COPS7A: variants seen among roughly 807,000 people sequenced by gnomAD.
COPS7A encodes COP9 signalosome complex subunit 7a.
A neutral mutation model predicts 35.2 loss-of-function variants in COPS7A; 20 were observed. That is an observed-to-expected ratio of 0.57 (90% CI 0.40 to 0.83). COPS7A has a LOEUF of 0.83. Among genes scored for constraint, COPS7A ranks in the 40% least tolerant of loss-of-function variants. The pLI is 0.00. For missense variants in COPS7A, 247 were observed against 347.5 expected (o/e 0.71, Z 2.30); for synonymous variants, 139 against 141.4 (o/e 0.98, Z 0.12).
At chr12:6,730,130 C>T (rs1007099032) in intron 5 of COPS7A, among the ~76,000 whole-genome samples, 5 of 152,200 alleles carry the variant, frequency 3.3e-5, no homozygotes, top group African/African-American at 1.2e-4. Flanking sequence ...CACCCTCCAC[C>T]TCAGTCTCTT....
intron 3 of COPS7A, 59 bp from the exon 4 acceptor site, chr12:6,728,164 G>T (rs750965855): frequency 1.7e-4 from 267 of 1,550,244 alleles, no homozygotes; most frequent in Middle Eastern, 5.1e-4. Flanking sequence ...AGGGAAGGAG[G>T]CTAGGGCTTC....
At chr12:6,730,290 T>G in intron 5 of COPS7A, 112 bp from the exon 6 acceptor site, 1 of 956,944 alleles carries the variant, frequency 1.0e-6, no homozygotes, top group Non-Finnish European at 1.7e-6. Context: ...ATGCAGGGAT[T>G]ATGGGGGTGA....
In COPS7A at chr12:6,724,645, C is replaced by G; in HGVS notation, c.-12C>G. On this transcript the variant is annotated 5_prime_UTR_variant, in exon 2 of 8. Transcript: ENST00000543155. ...ACATCCTGAGCCCAAGTCCCCCACA[C>G]TCAGTGCAGTGATGAGTGCGGAAGT... 6.2e-7 allele frequency: 1 copy of G among 1,614,072 alleles called. No homozygotes were observed. Among genetic ancestry groups the G allele is most frequent in the South Asian group, 1.1e-5 (1 of 91,080 alleles).
rs529550444 is a variant in COPS7A, at chr12:6,729,528, C to T, written c.530+79C>T. The T allele has an allele frequency of 1.0e-4, 151 of 1,446,588 alleles. No individual in the cohort carries two copies. The African/African-American group carries it at 1.9e-3, about 19-fold the overall frequency. The allele number at this position is 1,446,588 out of a possible 1,614,324, so 89.6% of individuals were successfully genotyped here. A position where few individuals can be genotyped will look rare whatever the true frequency, so the allele number is the denominator to read the frequency against. On this transcript the variant is annotated intron_variant, in intron 5 of 7. Coordinates refer to ENST00000543155, the MANE Select transcript of COPS7A (RefSeq NM_001164094.2). The surrounding 1 kb of genome is among the most constrained non-coding windows in gnomAD (Gnocchi z 4.2). ...GCTTCAGGGTGAGAGAGGGCAGGAG[C>T]TGGGCTGGTCCGCAGAGGTGGAACC...
rs1395746588 is a variant in COPS7A, at chr12:6,727,957, G to A, written c.194G>A (p.Arg65Gln). The change falls in exon 3 of 8, where the codon CGG becomes CAG. Residue 65 changes from arginine to glutamine, a missense_variant. Coordinates refer to ENST00000543155, the MANE Select transcript of COPS7A (RefSeq NM_001164094.2). Reference sequence around the variant, plus strand: ...GAGAGTGACTTTGCCTCTACCTTCCGGCTGCTCACAGTGTTTGCTTATGGG... The same window carrying A: ...GAGAGTGACTTTGCCTCTACCTTCCAGCTGCTCACAGTGTTTGCTTATGGG... The part of the protein sequence containing the change: ...LAESDFASTF[R>Q]LLTVFAYGTY... 5 of 1,613,980 alleles carry A rather than the reference G, an allele frequency of 3.1e-6. No individual in the cohort carries two copies. The highest frequency in any genetic ancestry group is 3.4e-6 in the Non-Finnish European group (4 of 1,180,044).
chr12:6,727,337 A>AC (rs1491128108), intron 2 of COPS7A, among the ~76,000 whole-genome samples: 1 of 12,598 alleles, frequency 7.9e-5, no homozygotes, highest in Non-Finnish European at 1.6e-4. Flanking sequence ...ACTCTGTCTC[A>AC]AAAAAAAAAA....
rs370111243 is a variant in COPS7A, at chr12:6,731,675, G to C, written c.*636G>C. 1 of 153,440 alleles carries C rather than the reference G, an allele frequency of 6.5e-6. No individual in the cohort carries two copies. Among genetic ancestry groups the C allele is most frequent in the East Asian group, 1.9e-4 (1 of 5,190 alleles). The allele number at this position is 153,440 out of a possible 1,614,324, so 9.5% of individuals were successfully genotyped here. On this transcript the variant is annotated 3_prime_UTR_variant, in exon 8 of 8. Transcript: ENST00000543155. ...TGGCAGCCGTTTCTTAACATGTTGA[G>C]AGATGATTCTTTCTTGGCCCTGGCC...
In COPS7A at chr12:6,724,758, G is replaced by C. The variant is rs750742735; in HGVS notation, c.102G>C (p.Val34=). 4.1e-5 allele frequency: 66 copies of C among 1,614,076 alleles called. 1 individual carries two copies. Among genetic ancestry groups the C allele is most frequent in the South Asian group, 3.5e-4 (32 of 91,092 alleles). ...GAALATLIHQ[V]LEAPGVYVFG... ...CGCTGGCCACACTCATCCATCAGGT[G>C]CTGGAGGCCCCTGGTGTCTACGTGT... The change falls in exon 2 of 8, where the codon GTG becomes GTC. Residue 34 remains valine (V), a synonymous_variant. Coordinates refer to ENST00000543155, the MANE Select transcript of COPS7A (RefSeq NM_001164094.2).
At chr12:6,727,273 G>T (rs1941280472) in intron 2 of COPS7A, among the ~76,000 whole-genome samples, 1 of 145,486 alleles carries the variant, frequency 6.9e-6, no homozygotes, top group African/African-American at 2.6e-5. Context: ...GGAGGCGGAG[G>T]TTGCAGTGAG....
chr12:6,728,397 C>T, intron 4 of COPS7A, 86 bp downstream of exon 4: 1 of 1,156,204 alleles, frequency 8.6e-7, no homozygotes, highest in Non-Finnish European at 1.3e-6. Flanking sequence ...CTTGTCTAGA[C>T]CGTGGCTGCT....
intron 2 of COPS7A, 113 bp downstream of exon 2, chr12:6,724,931 A>G: frequency 2.6e-6 from 3 of 1,171,858 alleles, no homozygotes; most frequent in East Asian, 4.8e-5. Context: ...GAACAAGAAA[A>G]CAGTGATAAT....
intron 2 of COPS7A, 75 bp downstream of exon 2, chr12:6,724,893 C>T (rs1315210838): frequency 6.7e-7 from 1 of 1,486,208 alleles, no homozygotes; most frequent in Non-Finnish European, 9.3e-7. Context: ...GGGCAGGGCT[C>T]ATTTTGTGAT....
intron 2 of COPS7A, among the ~76,000 whole-genome samples, chr12:6,726,787 T>G (rs1941268299): frequency 6.6e-6 from 1 of 151,772 alleles, no homozygotes; most frequent in Admixed American, 6.6e-5. Context: ...AAGCACTTAT[T>G]AAGTGGCTCT....
chr12:6,727,604 A>G (rs1592469369), intron 2 of COPS7A: 4 of 499,458 alleles, frequency 8.0e-6, no homozygotes, highest in East Asian at 1.1e-4. Context: ...AGGCAACACA[A>G]TTTGCAGTGT....
intron 2 of COPS7A, chr12:6,725,814 A>C: frequency 2.2e-6 from 1 of 456,056 alleles, no homozygotes; most frequent in Admixed American, 2.4e-5. Flanking sequence ...CTTTTGGATC[A>C]CTCTGTGATA....
intron 1 of COPS7A, 49 bp downstream of exon 1, chr12:6,724,228 T>C: frequency 3.3e-6 from 1 of 305,510 alleles, no homozygotes; most frequent in South Asian, 2.4e-5. Flanking sequence ...GCGGTGTCTT[T>C]AAGGGAGGGG....
Position 6,731,394 on chromosome 12 carries a change from G to T in COPS7A, c.*355G>T. The stretch of plus-strand genomic sequence containing the variant: ...TCTGTCTGGAGCATAACCCACAGGC[G>T]TTTTTTCTGCCACCCCATCCCTGCA... On this transcript the variant is annotated 3_prime_UTR_variant, in exon 8 of 8. Coordinates refer to ENST00000543155, the MANE Select transcript of COPS7A (RefSeq NM_001164094.2). 2 of 1,197,004 alleles carry T rather than the reference G, an allele frequency of 1.7e-6. No homozygotes were observed. The highest frequency in any genetic ancestry group is 2.2e-6 in the Non-Finnish European group (2 of 925,586). The allele number at this position is 1,197,004 out of a possible 1,614,324, so 74.1% of individuals were successfully genotyped here.
rs941199497 is a variant in COPS7A, at chr12:6,724,546, C to T, written c.-43-68C>T. On this transcript the variant is annotated intron_variant, in intron 1 of 7. Coordinates refer to ENST00000543155, the MANE Select transcript of COPS7A (RefSeq NM_001164094.2). ...ACTTAGTGCCTTTACAATCCAGTCC[C>T]TCAGCCTTGTGCTTCCCATCCGACC... 4.7e-5 allele frequency: 63 copies of T among 1,328,286 alleles called. No individual in the cohort carries two copies. The African/African-American group carries it at 8.3e-4, about 18-fold the overall frequency. 82.3% of individuals were successfully genotyped at this position (1,328,286 alleles called of 1,614,324 possible).
At chr12:6,728,551 T>A (rs575811554) in intron 4 of COPS7A, among the ~76,000 whole-genome samples, 2 of 152,364 alleles carry the variant, frequency 1.3e-5, no homozygotes, top group South Asian at 4.1e-4. Flanking sequence ...TTGGTCAAAA[T>A]AGCAACTAGG....
Sources: allele counts gnomAD v4.1 joint callset (sites outside exome capture counted in the v4.1 genomes callset), GRCh38; gene constraint gnomAD v4.1.1; non-coding constraint Gnocchi (gnomAD v3.1); transcripts MANE v1.5; gene names NCBI Gene and HGNC (gene_info 2026-07-23, HGNC 2026-07-21).